Variants in COL25A1 observed in about 807,000 individuals in gnomAD.
The protein encoded by COL25A1 is collagen alpha-1(XXV) chain.
A neutral mutation model predicts 128.4 loss-of-function variants in COL25A1; 103 were observed. The observed-to-expected ratio is 0.80, with a 90% CI of 0.68 to 0.94. The LOEUF (loss-of-function observed/expected upper bound fraction) is 0.94, where lower values mean the gene tolerates loss of function less well. Among genes scored for constraint, COL25A1 ranks in the 40% least tolerant of loss-of-function variants. The pLI is 0.00. For synonymous variants in COL25A1, 279 were observed against 277.2 expected, an observed-to-expected ratio of 1.01 and a Z score of -0.06; for missense variants, 745 against 840.0, an observed-to-expected ratio of 0.89 and a Z score of 1.40.
chr4:109,276,689 G>A (rs960694253), intron 3 of COL25A1, among the ~76,000 whole-genome samples: 3 of 152,108 alleles, frequency 2.0e-5, no homozygotes, highest in Non-Finnish European at 4.4e-5. Flanking sequence ...GTTAGTCAGT[G>A]TGGTCTAGGC....
chr4:109,050,987 T>C (rs1760930306), intron 3 of COL25A1, among the ~76,000 whole-genome samples: 1 of 152,048 alleles, frequency 6.6e-6, no homozygotes, highest in Admixed American at 6.6e-5. Flanking sequence ...TTATTCTCAA[T>C]TATATAATTT....
Position 109,060,737 on chromosome 4 carries a change from G to A in COL25A1, c.368-10558C>T, listed in dbSNP as rs183089613. On this transcript the variant is annotated intron_variant, in intron 3 of 37. Transcript: ENST00000399132. ...TACCTTCTTGGCAAAATGAGTTCATGGCTTTCAGAATTTGGGCTGTCATGA... is the reference window on the plus strand; with the variant it reads ...TACCTTCTTGGCAAAATGAGTTCATAGCTTTCAGAATTTGGGCTGTCATGA... 2.0e-5 allele frequency among the ~76,000 whole-genome samples: 3 copies of A among 150,684 alleles called. No homozygotes were observed. The East Asian group carries it at 5.8e-4, about 29-fold the overall frequency.
intron 8 of COL25A1, among the ~76,000 whole-genome samples, chr4:108,970,767 C>G (rs76672896): frequency 6.6e-6 from 1 of 152,128 alleles, no homozygotes; most frequent in African/African-American, 2.4e-5. Context: ...TATTCAACTT[C>G]TAAAAATTCC....
At chr4:109,251,949 C>T (rs1036790193) in intron 3 of COL25A1, among the ~76,000 whole-genome samples, 16 of 152,220 alleles carry the variant, frequency 1.1e-4, no homozygotes, top group African/African-American at 3.9e-4. Context: ...TTCAAAAGGC[C>T]TCTCCACCAC....
At chr4:109,175,534 C>T (rs1277947052) in intron 3 of COL25A1, among the ~76,000 whole-genome samples, 1 of 152,176 alleles carries the variant, frequency 6.6e-6, no homozygotes, top group East Asian at 1.9e-4. Context: ...AAACATGTTA[C>T]TTTTCCCCCT....
intron 3 of COL25A1, among the ~76,000 whole-genome samples, chr4:109,229,653 A>T (rs1294086462): frequency 6.6e-6 from 1 of 152,226 alleles, no homozygotes; most frequent in Non-Finnish European, 1.5e-5. Flanking sequence ...GTGGCACTAA[A>T]TAAATTCTGA....
intron 3 of COL25A1, among the ~76,000 whole-genome samples, chr4:109,178,265 A>T (rs548158369): frequency 6.6e-6 from 1 of 152,204 alleles, no homozygotes; most frequent in East Asian, 1.9e-4. Context: ...TGCTAAAAAC[A>T]TTTTCAACTA....
intron 13 of COL25A1, among the ~76,000 whole-genome samples, chr4:108,905,954 T>A (rs947733384): frequency 6.6e-6 from 1 of 151,938 alleles, no homozygotes; most frequent in Non-Finnish European, 1.5e-5. Context: ...GTGTGTAACA[T>A]GGCACAGCCA....
At chr4:109,275,555 C>T (rs1374564327) in intron 3 of COL25A1, among the ~76,000 whole-genome samples, 6 of 152,126 alleles carry the variant, frequency 3.9e-5, no homozygotes, top group African/African-American at 1.4e-4. Context: ...ACAGAATATG[C>T]AAAGGCGCCT....
chr4:108,961,849 C>T (rs891299435), intron 8 of COL25A1, among the ~76,000 whole-genome samples: 2 of 152,072 alleles, frequency 1.3e-5, no homozygotes, highest in Admixed American at 6.6e-5. Flanking sequence ...ATTAAGTCAG[C>T]CTCTAAAAAT....
rs1725653044 is a variant in COL25A1, at chr4:109,302,461, T to G, written c.-349A>C. ...CTGTTGCGCCTCTGTGAGTTTGCCT[T>G]ATTTCTACCTACTCGGTGTCTTTCG... On this transcript the variant is annotated 5_prime_UTR_variant, in exon 1 of 38. Transcript: ENST00000399132. 5.6e-6 allele frequency: 1 copy of G among 177,358 alleles called. No individual in the cohort carries two copies. The highest frequency in any genetic ancestry group is 2.4e-5 in the African/African-American group (1 of 42,336). The allele number at this position is 177,358 out of a possible 1,614,324, so 11.0% of individuals were successfully genotyped here. A position where few individuals can be genotyped will look rare whatever the true frequency, so the allele number is the denominator to read the frequency against.
intron 5 of COL25A1, among the ~76,000 whole-genome samples, chr4:109,047,877 C>T (rs964715819): frequency 2.6e-5 from 4 of 151,792 alleles, no homozygotes; most frequent in African/African-American, 9.7e-5. Context: ...GGACTACAGG[C>T]GCCCACCAAC....
intron 3 of COL25A1, among the ~76,000 whole-genome samples, chr4:109,118,096 G>A (rs553628019): frequency 6.6e-5 from 10 of 151,594 alleles, no homozygotes; most frequent in African/African-American, 2.2e-4. Context: ...ATCAGTGGTC[G>A]AAATACAGCA....
At chr4:109,067,912 A>G (rs1025391399) in intron 3 of COL25A1, among the ~76,000 whole-genome samples, 11 of 152,362 alleles carry the variant, frequency 7.2e-5, no homozygotes, top group Admixed American at 2.0e-4. Context: ...ACCAAAGTCA[A>G]TGAGATAGTG....
At chr4:108,894,255 C>T (rs756087313) in intron 16 of COL25A1, among the ~76,000 whole-genome samples, 3 of 152,040 alleles carry the variant, frequency 2.0e-5, no homozygotes, top group African/African-American at 7.2e-5. Flanking sequence ...ATTGAAGAAA[C>T]AATTATTGGC....
intron 5 of COL25A1, among the ~76,000 whole-genome samples, chr4:109,044,384 C>G (rs1174242607): frequency 6.6e-6 from 1 of 151,196 alleles, no homozygotes; most frequent in Non-Finnish European, 1.5e-5. Context: ...TAAATTTTAT[C>G]ATTAATACTT....
chr4:108,895,457 G>C (rs1165309912), intron 16 of COL25A1, among the ~76,000 whole-genome samples: 1 of 152,100 alleles, frequency 6.6e-6, no homozygotes, highest in African/African-American at 2.4e-5. Flanking sequence ...TCCTTCCTCT[G>C]TCAGAGGTAT....
intron 3 of COL25A1, among the ~76,000 whole-genome samples, chr4:109,124,533 A>C (rs930086580): frequency 6.6e-6 from 1 of 152,062 alleles, no homozygotes; most frequent in Admixed American, 6.6e-5. Context: ...CAAAGACTGA[A>C]GAATTAAAAT....
At chr4:109,239,417 TA>T (rs1334727318) in intron 3 of COL25A1, among the ~76,000 whole-genome samples, 2,320 of 138,228 alleles carry the variant, frequency 0.017, 27 homozygotes, top group Non-Finnish European at 0.021. Flanking sequence ...TATATATATA[TA>T]TATATTTATT....
Sources: gnomAD v4.1 joint callset for allele counts (sites outside exome capture counted in the v4.1 genomes callset) on GRCh38, gnomAD v4.1.1 for gene constraint, MANE v1.5 for transcripts, NCBI Gene and HGNC (gene_info 2026-07-23, HGNC 2026-07-21) for gene names.